The following MSRA variants were observed in gnomAD, a reference collection of about 807,000 sequenced individuals.
MSRA encodes methionine sulfoxide reductase A.
MSRA carries 54 observed loss-of-function variants against 31.3 expected under a neutral mutation model. That is an observed-to-expected ratio of 1.73 (90% CI 1.39 to 2.17). The LOEUF is 2.17. Ranked by LOEUF, MSRA falls within the 30% of genes most tolerant of loss-of-function variation. The probability of loss-of-function intolerance (pLI) is 0.00; values close to 1 mark genes in which losing one functional copy is unlikely to be tolerated. For missense variants in MSRA, 507 were observed against 300.9 expected, an observed-to-expected ratio of 1.69 and a Z score of -5.07; for synonymous variants, 169 against 116.5, an observed-to-expected ratio of 1.45 and a Z score of -2.90.
At chr8:10,171,213 T>A (rs1163710356) in intron 1 of MSRA, among the ~76,000 whole-genome samples, 2 of 152,194 alleles carry the variant, frequency 1.3e-5, no homozygotes, top group Non-Finnish European at 2.9e-5. Flanking sequence ...ATGCTGCTGG[T>A]TGGGAGTGAG....
In MSRA at chr8:10,206,666, C is replaced by T. The variant is rs533253240; in HGVS notation, c.143-1167C>T. Among the ~76,000 whole-genome samples, 150 of 152,344 alleles carry T rather than the reference C, an allele frequency of 9.8e-4. 1 individual carries two copies. The highest frequency in any genetic ancestry group is 3.4e-3 in the African/African-American group (142 of 41,584). On this transcript the variant is annotated intron_variant, in intron 1 of 5. Transcript: ENST00000317173. ...ACTGAAGTTGCTCTCTCACCCTTGC[C>T]TTTGCAAACCTGACTTCTCCTTCGG...
At chr8:10,080,020 C>A (rs978404254) in intron 1 of MSRA, among the ~76,000 whole-genome samples, 5 of 152,222 alleles carry the variant, frequency 3.3e-5, no homozygotes, top group Non-Finnish European at 7.3e-5. Flanking sequence ...CAAAATTAAT[C>A]TCCTTTCCTC....
chr8:10,203,666 T>C (rs1230100667), intron 1 of MSRA, among the ~76,000 whole-genome samples: 3 of 152,246 alleles, frequency 2.0e-5, no homozygotes, highest in Non-Finnish European at 2.9e-5. Context: ...TCATAAACAA[T>C]GATGTTACTG....
At chr8:10,201,207 G>A (rs1585155078) in intron 1 of MSRA, among the ~76,000 whole-genome samples, 1 of 152,062 alleles carries the variant, frequency 6.6e-6, no homozygotes, top group Non-Finnish European at 1.5e-5. Flanking sequence ...GCTCAGTGTA[G>A]TAGCAGCTGG....
chr8:10,408,285 C>T (rs1342762644), intron 5 of MSRA, among the ~76,000 whole-genome samples: 2 of 152,180 alleles, frequency 1.3e-5, no homozygotes, highest in Admixed American at 1.3e-4. Context: ...GCTTGTAATC[C>T]CAGCACTTCG....
chr8:10,427,160 C>G (rs1809226955), intron 5 of MSRA, among the ~76,000 whole-genome samples: 1 of 152,152 alleles, frequency 6.6e-6, no homozygotes, highest in Non-Finnish European at 1.5e-5. Flanking sequence ...CTCGTGAAAA[C>G]ATGGGTCCTG....
At chr8:10,325,145 C>T (rs532233303) in intron 5 of MSRA, among the ~76,000 whole-genome samples, 9 of 152,124 alleles carry the variant, frequency 5.9e-5, no homozygotes, top group African/African-American at 2.2e-4. Flanking sequence ...CCTTCTCACT[C>T]CGATCCAGGG....
At chr8:10,266,992 G>C (rs1458232958) in intron 3 of MSRA, among the ~76,000 whole-genome samples, 3 of 152,272 alleles carry the variant, frequency 2.0e-5, no homozygotes, top group Non-Finnish European at 2.9e-5. Context: ...TCAGTGTTTT[G>C]TTATATTCCT....
intron 5 of MSRA, among the ~76,000 whole-genome samples, chr8:10,362,290 C>T (rs1046573506): frequency 6.6e-6 from 1 of 152,084 alleles, no homozygotes; most frequent in African/African-American, 2.4e-5. Flanking sequence ...TCAATGAAAA[C>T]AGGACCTCTT....
intron 3 of MSRA, among the ~76,000 whole-genome samples, chr8:10,254,314 G>A (rs1798067258): frequency 6.6e-6 from 1 of 152,098 alleles, no homozygotes; most frequent in African/African-American, 2.4e-5. Flanking sequence ...CTTTCTTGAC[G>A]TTTCCTCTTC....
chr8:10,131,541 C>A (rs1219408387), intron 1 of MSRA, among the ~76,000 whole-genome samples: 1 of 152,150 alleles, frequency 6.6e-6, no homozygotes, highest in East Asian at 1.9e-4. Context: ...ACACTCCTGA[C>A]CGTTGAGAGA....
At chr8:10,241,696 C>T (rs893035343) in intron 2 of MSRA, among the ~76,000 whole-genome samples, 3 of 152,196 alleles carry the variant, frequency 2.0e-5, no homozygotes, top group Non-Finnish European at 4.4e-5. Flanking sequence ...GCTAACTAGA[C>T]ATGAAAGAGA....
chr8:10,114,341 G>A (rs1800517869), intron 1 of MSRA, among the ~76,000 whole-genome samples: 1 of 152,110 alleles, frequency 6.6e-6, no homozygotes, highest in Admixed American at 6.5e-5. Flanking sequence ...CAATTATCTG[G>A]GGGCCAGACG....
At chr8:10,347,077 C>G (rs186111078) in intron 5 of MSRA, among the ~76,000 whole-genome samples, 1 of 152,176 alleles carries the variant, frequency 6.6e-6, no homozygotes, top group South Asian at 2.1e-4. Context: ...AGCACCTGCA[C>G]TTTGATCACA....
chr8:10,252,577 G>A (rs1797973545), intron 3 of MSRA, among the ~76,000 whole-genome samples: 1 of 152,190 alleles, frequency 6.6e-6, no homozygotes, highest in Non-Finnish European at 1.5e-5. Context: ...GGAAGTCATT[G>A]AACTGGGGAG....
chr8:10,115,842 A>G lies in MSRA; in HGVS notation c.142+61184A>G, dbSNP rs571583544. ...ACAGTCCACACTCAATGACTGTTTA[A>G]TGAATTAATTAATAAATAGAAAACA... On this transcript the variant is annotated intron_variant, in intron 1 of 5. Coordinates refer to ENST00000317173, the MANE Select transcript of MSRA (RefSeq NM_012331.5). 1.8e-3 allele frequency among the ~76,000 whole-genome samples: 271 copies of G among 152,350 alleles called. 17 individuals are homozygous for G. Among genetic ancestry groups the G allele is most frequent in the Non-Finnish European group, 1.0e-3 (70 of 68,034 alleles).
chr8:10,183,657 C>T (rs1022531233), intron 1 of MSRA, among the ~76,000 whole-genome samples: 1 of 152,144 alleles, frequency 6.6e-6, no homozygotes, highest in Non-Finnish European at 1.5e-5. Flanking sequence ...CCCACACTTT[C>T]TTTTTTCAAT....
At chr8:10,263,878 T>G (rs1174259641) in intron 3 of MSRA, among the ~76,000 whole-genome samples, 1 of 152,238 alleles carries the variant, frequency 6.6e-6, no homozygotes, top group Non-Finnish European at 1.5e-5. Flanking sequence ...CAGAACACAT[T>G]ACAAAACTAA....
At chr8:10,379,954 T>C (rs1341420232) in intron 5 of MSRA, among the ~76,000 whole-genome samples, 5 of 152,220 alleles carry the variant, frequency 3.3e-5, no homozygotes, top group African/African-American at 1.2e-4. Context: ...AAGTACTGAT[T>C]GGGCCAGACG....
Sources: allele counts gnomAD v4.1 joint callset (sites outside exome capture counted in the v4.1 genomes callset), GRCh38; gene constraint gnomAD v4.1.1; transcripts MANE v1.5; gene names NCBI Gene and HGNC (gene_info 2026-07-23, HGNC 2026-07-21).